The following GRID1 variants were observed in gnomAD, a reference collection of about 807,000 sequenced individuals.
GRID1 encodes the protein glutamate receptor ionotropic, delta-1.
GRID1 carries 28 observed loss-of-function variants against 98.0 expected under a neutral mutation model. The ratio of observed to expected loss-of-function variants is 0.29; its 90% CI spans 0.21 to 0.39. GRID1 has a LOEUF of 0.39. GRID1 is among the 10% of genes least tolerant of loss of function. The probability of loss-of-function intolerance (pLI) is 1.00; values close to 1 mark genes in which losing one functional copy is unlikely to be tolerated. For synonymous variants in GRID1, 553 were observed against 538.5 expected (o/e 1.03, Z -0.37); for missense variants, 1,111 against 1,340.5 (o/e 0.83, Z 2.67).
intron 13 of GRID1, among the ~76,000 whole-genome samples, chr10:85,632,345 A>G (rs1842985208): frequency 6.6e-6 from 1 of 152,226 alleles, no homozygotes; most frequent in Non-Finnish European, 1.5e-5. Flanking sequence ...CATGACAATA[A>G]GCACCATTTG....
At chr10:86,095,019 T>G (rs745481947) in intron 4 of GRID1, among the ~76,000 whole-genome samples, 2 of 152,058 alleles carry the variant, frequency 1.3e-5, no homozygotes, top group Non-Finnish European at 2.9e-5. Flanking sequence ...TGGAACAGAA[T>G]AGAGAAACCA....
At chr10:85,706,090 T>C (rs530474729) in intron 12 of GRID1, among the ~76,000 whole-genome samples, 3 of 152,240 alleles carry the variant, frequency 2.0e-5, no homozygotes, top group Admixed American at 1.3e-4. Context: ...CTATTTAACA[T>C]AGTGTTGGAA....
At chr10:86,334,211 C>A (rs972722257) in intron 2 of GRID1, among the ~76,000 whole-genome samples, 4 of 152,106 alleles carry the variant, frequency 2.6e-5, no homozygotes, top group African/African-American at 4.8e-5. Context: ...GAGCATAGCA[C>A]CTGCTCACAT....
At chr10:86,059,912 A>G (rs1589356268) in intron 4 of GRID1, among the ~76,000 whole-genome samples, 1 of 152,192 alleles carries the variant, frequency 6.6e-6, no homozygotes, top group African/African-American at 2.4e-5. Flanking sequence ...CTCTCCTAAT[A>G]TTATGCAAAC....
At chr10:86,272,824 A>T (rs1471358577) in intron 2 of GRID1, among the ~76,000 whole-genome samples, 1 of 152,208 alleles carries the variant, frequency 6.6e-6, no homozygotes, top group Non-Finnish European at 1.5e-5. Flanking sequence ...GGCATAGGGC[A>T]AGATGCATGC....
intron 12 of GRID1, 44 bp from the exon 13 acceptor site, chr10:85,647,441 T>C (rs1843210394): frequency 2.7e-6 from 4 of 1,456,890 alleles, no homozygotes; most frequent in Admixed American, 1.7e-5. Context: ...ATGCTGTGCA[T>C]TGCACACTGC....
At chr10:85,642,759 T>G (rs1321004128) in intron 13 of GRID1, among the ~76,000 whole-genome samples, 1 of 152,210 alleles carries the variant, frequency 6.6e-6, no homozygotes, top group Admixed American at 6.5e-5. Flanking sequence ...AATCCTTTAT[T>G]TGCATCTTTT....
intron 4 of GRID1, among the ~76,000 whole-genome samples, chr10:85,929,179 C>T (rs1275399192): frequency 6.6e-6 from 1 of 152,136 alleles, no homozygotes; most frequent in Non-Finnish European, 1.5e-5. Context: ...TTTTGTCTAC[C>T]CCATATCAGA....
chr10:86,133,760 G>A (rs35459717), intron 4 of GRID1, among the ~76,000 whole-genome samples: 26,064 of 152,172 alleles, frequency 0.17, 2,554 homozygotes, highest in Middle Eastern at 0.28. Flanking sequence ...ACATCACACA[G>A]TCCCTGGCCT....
chr10:86,261,542 G>A (rs1427907508), intron 2 of GRID1, among the ~76,000 whole-genome samples: 7 of 152,160 alleles, frequency 4.6e-5, no homozygotes, highest in South Asian at 2.1e-4. Flanking sequence ...TCCACTAACC[G>A]CTAGGACCCA....
chr10:86,118,450 C>A, intron 4 of GRID1, among the ~76,000 whole-genome samples: 1 of 151,958 alleles, frequency 6.6e-6, no homozygotes, highest in East Asian at 1.9e-4. Context: ...TTCATGTAAC[C>A]AAACACCACC....
chr10:86,020,680 C>T (rs1259848348), intron 4 of GRID1, among the ~76,000 whole-genome samples: 1 of 152,092 alleles, frequency 6.6e-6, no homozygotes, highest in African/African-American at 2.4e-5. Flanking sequence ...TTGCAAAATC[C>T]TAAAGCATCA....
In GRID1 at chr10:86,358,261, G is replaced by A. The variant is rs984268543; in HGVS notation, c.235+5680C>T. On this transcript the variant is annotated intron_variant, in intron 2 of 15. Coordinates refer to ENST00000327946, the MANE Select transcript of GRID1 (RefSeq NM_017551.3). The stretch of plus-strand genomic sequence containing the variant: ...AAAGAGGATGCCCCGCAGTAAGCAA[G>A]AGTGCAGTCAAGCATGCAAAAGATT... Among the ~76,000 whole-genome samples, 5 of 152,288 alleles carry A rather than the reference G, an allele frequency of 3.3e-5. No individual in the cohort carries two copies. The East Asian group carries it at 9.6e-4, about 29-fold the overall frequency.
At chr10:85,892,204 A>AT (rs928433866) in intron 5 of GRID1, among the ~76,000 whole-genome samples, 3 of 145,896 alleles carry the variant, frequency 2.1e-5, no homozygotes, top group Admixed American at 6.9e-5. Flanking sequence ...AATCATGGAG[A>AT]TAAAAAAAAA....
chr10:85,704,194 A>G (rs1205616646), intron 12 of GRID1, among the ~76,000 whole-genome samples: 2 of 152,140 alleles, frequency 1.3e-5, no homozygotes, highest in Non-Finnish European at 2.9e-5. Flanking sequence ...AAGAGTCAAG[A>G]CCCATCAGTG....
chr10:85,993,667 A>G (rs982588463), intron 4 of GRID1, among the ~76,000 whole-genome samples: 1 of 152,190 alleles, frequency 6.6e-6, no homozygotes, highest in Non-Finnish European at 1.5e-5. Flanking sequence ...AGGAGAAGAA[A>G]ATGATGAAGA....
intron 4 of GRID1, among the ~76,000 whole-genome samples, chr10:85,937,584 C>T (rs954167458): frequency 6.6e-6 from 1 of 152,148 alleles, no homozygotes; most frequent in Non-Finnish European, 1.5e-5. Flanking sequence ...GAGGGTCTCC[C>T]CTCTTAAACT....
chr10:85,658,418 C>T (rs547019445), intron 12 of GRID1, among the ~76,000 whole-genome samples: 18 of 152,268 alleles, frequency 1.2e-4, no homozygotes, highest in South Asian at 1.0e-3. Flanking sequence ...CCTCATTTTA[C>T]AGATTAAAAA....
chr10:85,676,552 G>A (rs771190210), intron 12 of GRID1, among the ~76,000 whole-genome samples: 1 of 152,134 alleles, frequency 6.6e-6, no homozygotes, highest in Non-Finnish European at 1.5e-5. Context: ...CTGTTTGTAG[G>A]AATCCCAACT....
Sources: gnomAD v4.1 joint callset for allele counts (sites outside exome capture counted in the v4.1 genomes callset) on GRCh38, gnomAD v4.1.1 for gene constraint, MANE v1.5 for transcripts, NCBI Gene and HGNC (gene_info 2026-07-23, HGNC 2026-07-21) for gene names.